Variants in FZR1 observed in about 807,000 individuals in gnomAD.
The protein encoded by FZR1 is fizzy and cell division cycle 20 related 1.
FZR1 carries 11 observed loss-of-function variants against 63.6 expected under a neutral mutation model. The ratio of observed to expected loss-of-function variants is 0.17; its 90% CI spans 0.11 to 0.29. The LOEUF (loss-of-function observed/expected upper bound fraction) is 0.29, where lower values mean the gene tolerates loss of function less well. Ranked by LOEUF, FZR1 falls within the 10% of genes least tolerant of loss-of-function variation. The pLI is 1.00. For missense variants in FZR1, 440 were observed against 687.5 expected (o/e 0.64, Z 4.03); for synonymous variants, 328 against 297.9 (o/e 1.10, Z -1.04).
chr19:3,507,816 C>T (rs2082996273), intron 1 of FZR1, among the ~76,000 whole-genome samples: 2 of 152,244 alleles, frequency 1.3e-5, no homozygotes, highest in South Asian at 2.1e-4. Flanking sequence ...GCGTGGGCCT[C>T]CTCCTGTGTC....
chr19:3,506,721 C>A (rs1422251198), intron 1 of FZR1, among the ~76,000 whole-genome samples: 2 of 151,964 alleles, frequency 1.3e-5, no homozygotes, highest in African/African-American at 4.8e-5. Context: ...CTGCCGTGAC[C>A]CCCACCCCGA....
intron 1 of FZR1, among the ~76,000 whole-genome samples, chr19:3,510,586 C>A (rs1002761480): frequency 4.6e-5 from 7 of 152,178 alleles, no homozygotes; most frequent in Admixed American, 2.0e-4. Context: ...GCCACTGGGT[C>A]GGTGGTGGAA....
At chr19:3,520,554 C>T (rs1259917625) in intron 1 of FZR1, among the ~76,000 whole-genome samples, 4 of 152,190 alleles carry the variant, frequency 2.6e-5, no homozygotes, top group East Asian at 1.9e-4. Flanking sequence ...AGATAAGCCA[C>T]GAAAACCCAC....
rs1459376511 is a variant in FZR1, at chr19:3,526,901, G to A, written c.388-79G>A. 1.5e-5 allele frequency: 15 copies of A among 968,528 alleles called. No individual in the cohort carries two copies. The highest frequency in any genetic ancestry group is 4.8e-5 in the African/African-American group (3 of 62,928). The allele number at this position is 968,528 out of a possible 1,614,324, so 60.0% of individuals were successfully genotyped here. A position where few individuals can be genotyped will look rare whatever the true frequency, so the allele number is the denominator to read the frequency against. On this transcript the variant is annotated intron_variant, in intron 5 of 13. Coordinates refer to ENST00000441788, the MANE Select transcript of FZR1 (RefSeq NM_016263.4). The surrounding 1 kb of genome is among the most constrained non-coding windows in gnomAD (Gnocchi z 5.4). Reference sequence around the variant, plus strand: ...CTGCCTTAGGGCTATGAGCTGTACCGGGAGCGTGGGCTGCTGGGGGGCTCT... The same window carrying A: ...CTGCCTTAGGGCTATGAGCTGTACCAGGAGCGTGGGCTGCTGGGGGGCTCT...
At chr19:3,530,519 T>C (rs28479489) in intron 7 of FZR1, among the ~76,000 whole-genome samples, 13,462 of 130,060 alleles carry the variant, frequency 0.1, 1,427 homozygotes, top group Middle Eastern at 0.18. Context: ...TGAGAGTGGT[T>C]GAGGGAGTGG....
Position 3,509,905 on chromosome 19 carries a change from C to T in FZR1, c.-35+3431C>T, listed in dbSNP as rs942866107. On this transcript the variant is annotated intron_variant, in intron 1 of 13. Coordinates refer to ENST00000441788, the MANE Select transcript of FZR1 (RefSeq NM_016263.4). The stretch of plus-strand genomic sequence containing the variant: ...CTGCCTGTTGTGAGTTGAGCTGCTG[C>T]GAAGAGGCAGGCGCTGGTGGTTGTG... Among the ~76,000 whole-genome samples the T allele has an allele frequency of 7.2e-5, 11 of 152,090 alleles. 1 individual carries two copies. The highest frequency in any genetic ancestry group is 4.2e-4 in the South Asian group (2 of 4,808).
At chr19:3,521,945 C>T (rs1340894071) in intron 1 of FZR1, among the ~76,000 whole-genome samples, 1 of 150,936 alleles carries the variant, frequency 6.6e-6, no homozygotes, top group Non-Finnish European at 1.5e-5. Flanking sequence ...CAGCCTCAAA[C>T]TCCCAGCCTC....
In FZR1 at chr19:3,525,963, C is replaced by G. The variant is rs779821463; in HGVS notation, c.165C>G (p.Ala55=). The G allele has an allele frequency of 6.2e-7, 1 of 1,612,314 alleles. No individual in the cohort carries two copies. The highest frequency in any genetic ancestry group is 1.7e-5 in the Admixed American group (1 of 59,984). ...GCTTCATCCCCTCCAGAGCCGGAGCCAACTGGAGCGTGAACTTCCACAGGA... is the reference window on the plus strand; with the variant it reads ...GCTTCATCCCCTCCAGAGCCGGAGCGAACTGGAGCGTGAACTTCCACAGGA... ...GDRFIPSRAG[A]NWSVNFHRIN... Residue 55 remains alanine (A), a synonymous_variant, in exon 3 of 14, where the codon GCC becomes GCG. Coordinates refer to ENST00000441788, the MANE Select transcript of FZR1 (RefSeq NM_016263.4). The surrounding 1 kb of genome is among the most constrained non-coding windows in gnomAD (Gnocchi z 4.2).
rs2121913516 is a variant in FZR1 at position 3,515,328 on chromosome 19, T to C, written c.-34-7628T>C. On this transcript the variant is annotated intron_variant, in intron 1 of 13. Transcript: ENST00000441788. This position sits in a 1 kb window ranked among gnomAD's most constrained non-coding sequence, Gnocchi z 4.6. ...GCAGCTTAAGATCCTGATTTCTCTCTACTCTAACCTTTTACGATGAAACCT... is the reference window on the plus strand; with the variant it reads ...GCAGCTTAAGATCCTGATTTCTCTCCACTCTAACCTTTTACGATGAAACCT... Among the ~76,000 whole-genome samples the C allele has an allele frequency of 6.6e-6, 1 of 152,330 alleles. No homozygotes were observed. The highest frequency in any genetic ancestry group is 2.1e-4 in the South Asian group (1 of 4,830).
chr19:3,512,680 G>C (rs1346687437), intron 1 of FZR1, among the ~76,000 whole-genome samples: 1 of 152,136 alleles, frequency 6.6e-6, no homozygotes, highest in Non-Finnish European at 1.5e-5. Context: ...GCTGGTGGGG[G>C]GCTCACGTGC....
Position 3,531,987 on chromosome 19 carries a change from C to G in FZR1, c.900C>G (p.Thr300=). 2 of 1,573,704 alleles carry G rather than the reference C, an allele frequency of 1.3e-6. No homozygotes were observed. Among genetic ancestry groups the G allele is most frequent in the Non-Finnish European group, 1.7e-6 (2 of 1,165,182 alleles). The change falls in exon 10 of 14, where the codon ACC becomes ACG. Residue 300 remains threonine (T), a synonymous_variant. Transcript: ENST00000441788. Reference sequence around the variant, plus strand: ...TGATCCTGCAGAGGGACATCCGCACCCCGCCACTGCAGTCGGAGCGGCGGC... The same window carrying G: ...TGATCCTGCAGAGGGACATCCGCACGCCGCCACTGCAGTCGGAGCGGCGGC... ...DRMILQRDIR[T]PPLQSERRLQ... is the part of the protein sequence containing the mutation.
At chr19:3,520,840 C>A (rs193047115) in intron 1 of FZR1, among the ~76,000 whole-genome samples, 1 of 152,364 alleles carries the variant, frequency 6.6e-6, no homozygotes, top group Non-Finnish European at 1.5e-5. Context: ...GCACCAAACC[C>A]GCATGGGTCT....
chr19:3,522,035 G>T (rs2083107261), intron 1 of FZR1, among the ~76,000 whole-genome samples: 1 of 152,110 alleles, frequency 6.6e-6, no homozygotes, highest in Non-Finnish European at 1.5e-5. Flanking sequence ...GGAGGTTGAG[G>T]CTGCAGTGAT....
chr19:3,527,498 A>C (rs1025585947), intron 6 of FZR1, 133 bp from the exon 7 acceptor site: 1 of 683,832 alleles, frequency 1.5e-6, no homozygotes, highest in Non-Finnish European at 2.5e-6. Context: ...GTTTAGGATC[A>C]CATGGTGGCG....
At chr19:3,527,153 C>T in intron 6 of FZR1, 91 bp downstream of exon 6, 2 of 1,037,240 alleles carry the variant, frequency 1.9e-6, no homozygotes, top group South Asian at 1.3e-5. Context: ...AGCCCTGTCC[C>T]TGCGGGTCCT....
At chr19:3,520,145 G>A (rs1056309789) in intron 1 of FZR1, among the ~76,000 whole-genome samples, 3 of 152,236 alleles carry the variant, frequency 2.0e-5, no homozygotes, top group African/African-American at 4.8e-5. Context: ...GCCTCTCCTC[G>A]TCCTGGGATG....
rs1393174366 is a variant in FZR1 at position 3,526,342 on chromosome 19, C to T, written c.343C>T (p.Arg115Cys). 6 of 1,600,896 alleles carry T rather than the reference C, an allele frequency of 3.7e-6. No homozygotes were observed. The highest frequency in any genetic ancestry group is 5.1e-6 in the Non-Finnish European group (6 of 1,174,658). Reference sequence around the variant, plus strand: ...GGTGCAGGACCCGCAGACTGAGGACCGCAGGCTGCAGCCCTCCACGCCTGA... The same window carrying T: ...GGTGCAGGACCCGCAGACTGAGGACTGCAGGCTGCAGCCCTCCACGCCTGA... The part of the protein sequence containing the change: ...EKVQDPQTED[R>C]RLQPSTPEKK... The change falls in exon 5 of 14, where the codon CGC (arginine) becomes TGC (cysteine). Residue 115 changes from arginine (R) to cysteine (C), a missense_variant. Arg to Cys is a radical substitution (Grantham distance 180, BLOSUM62 -3). Coordinates refer to ENST00000441788, the MANE Select transcript of FZR1 (RefSeq NM_016263.4). The surrounding 1 kb of genome is among the most constrained non-coding windows in gnomAD (Gnocchi z 5.4).
rs1337124934 is a variant in FZR1, at chr19:3,525,592, G to A, written c.70-276G>A. Among the ~76,000 whole-genome samples the A allele has an allele frequency of 3.3e-5, 5 of 151,998 alleles. No individual in the cohort carries two copies. Among genetic ancestry groups the A allele is most frequent in the Non-Finnish European group, 7.4e-5 (5 of 67,966 alleles). On this transcript the variant is annotated intron_variant, in intron 2 of 13. Transcript: ENST00000441788. This position sits in a 1 kb window ranked among gnomAD's most constrained non-coding sequence, Gnocchi z 4.2. ...CGAGTAGCTGGGACTACAGGCGCCT[G>A]CCACCACGCCCGGCTGATTTTTTGT...
chr19:3,530,330 G>A lies in FZR1; in HGVS notation c.655-462G>A, dbSNP rs1362329906. ...GAGGAGAGAGCGGAGGAGAGTGGTTGAGGGAGTGGATGGTTGAGCAGAAGG... is the reference window on the plus strand; with the variant it reads ...GAGGAGAGAGCGGAGGAGAGTGGTTAAGGGAGTGGATGGTTGAGCAGAAGG... On this transcript the variant is annotated intron_variant, in intron 7 of 13. Transcript: ENST00000441788. Among the ~76,000 whole-genome samples the A allele has an allele frequency of 2.4e-5, 3 of 122,648 alleles. 1 individual carries two copies. Among genetic ancestry groups the A allele is most frequent in the Non-Finnish European group, 5.2e-5 (3 of 57,734 alleles). 80.5% of individuals were successfully genotyped at this position (122,648 alleles called of 152,430 possible).
Sources: allele counts gnomAD v4.1 joint callset (sites outside exome capture counted in the v4.1 genomes callset), GRCh38; gene constraint gnomAD v4.1.1; non-coding constraint Gnocchi (gnomAD v3.1); transcripts MANE v1.5; gene names NCBI Gene and HGNC (gene_info 2026-07-23, HGNC 2026-07-21).